CELF2: variants seen among roughly 807,000 people sequenced by gnomAD.
CELF2 encodes CUG triplet repeat RNA-binding protein 2.
In CELF2, 8 loss-of-function variants were observed where a neutral mutation model predicts 62.6. The observed-to-expected ratio is 0.13, with a 90% CI of 0.07 to 0.23. The LOEUF is 0.23. Ranked by LOEUF, CELF2 falls within the 10% of genes least tolerant of loss-of-function variation. The pLI is 1.00. For synonymous variants in CELF2, 258 were observed against 250.0 expected (o/e 1.03, Z -0.30); for missense variants, 333 against 671.0 (o/e 0.50, Z 5.56).
the CELF2 span, among the ~76,000 whole-genome samples, chr10:10,578,138 T>C: frequency 6.6e-6 from 1 of 152,230 alleles, no homozygotes; most frequent in East Asian, 1.9e-4. Flanking sequence ...TTCATGTGTC[T>C]TTTGGCTGCA....
At chr10:11,147,535 G>T (rs2062502274) in intron 1 of CELF2, among the ~76,000 whole-genome samples, 2 of 152,146 alleles carry the variant, frequency 1.3e-5, no homozygotes, top group African/African-American at 4.8e-5. Flanking sequence ...AAATGCATGT[G>T]CAAAGCTTGT....
chr10:10,652,257 G>GA, the CELF2 span, among the ~76,000 whole-genome samples: 2 of 128,920 alleles, frequency 1.6e-5, no homozygotes, highest in Non-Finnish European at 3.3e-5. Context: ...TGGTGTACCT[G>GA]AAAGTGACGG....
chr10:11,233,562 G>A (rs1262898009), intron 3 of CELF2, among the ~76,000 whole-genome samples: 2 of 152,108 alleles, frequency 1.3e-5, no homozygotes, highest in African/African-American at 4.8e-5. Context: ...CCATTCAAAT[G>A]GTCTACAGGA....
chr10:11,216,534 G>A lies in CELF2; in HGVS notation c.272-891G>A, dbSNP rs139263834. ...CCTACCCTCTTTTCCCAAACTGATT[G>A]TGCTGAGAAACTATATTGCTGAACA... is the stretch of plus-strand genomic sequence containing the variant. On this transcript the variant is annotated intron_variant, in intron 2 of 12. Coordinates refer to ENST00000633077, the MANE Select transcript of CELF2 (RefSeq NM_001326342.2). 4.1e-3 allele frequency among the ~76,000 whole-genome samples: 631 copies of A among 152,264 alleles called. 22 individuals carry two copies. The South Asian group carries it at 0.088, about 21-fold the overall frequency.
At chr10:10,956,290 G>A (rs1254185436) in intron 2 of CELF2, among the ~76,000 whole-genome samples, 1 of 152,204 alleles carries the variant, frequency 6.6e-6, no homozygotes, top group Non-Finnish European at 1.5e-5. Context: ...TTCTTCAAGA[G>A]AGTGCCATAA....
rs3832668 is a variant in CELF2 at position 11,325,817 on chromosome 10, CTT to C, written c.1295-11_1295-10del. On this transcript the variant is annotated splice_polypyrimidine_tract_variant and intron_variant, in intron 11 of 12. Coordinates refer to ENST00000633077, the MANE Select transcript of CELF2 (RefSeq NM_001326342.2). ...AGACTCAAGGGATACCTTACTCTGA[CTT>C]TTTTTTTCCTCCTTAGGTCCAGAGG... 6.3e-7 allele frequency: 1 copy of C among 1,590,360 alleles called. No homozygotes were observed. Among genetic ancestry groups the C allele is most frequent in the Admixed American group, 1.8e-5 (1 of 54,594 alleles).
the CELF2 span, among the ~76,000 whole-genome samples, chr10:10,639,079 A>G: frequency 6.6e-6 from 1 of 152,218 alleles, no homozygotes; most frequent in African/African-American, 2.4e-5. Flanking sequence ...AAAACCCAGA[A>G]GAGAGCTTTT....
At chr10:10,624,196 C>A in the CELF2 span, among the ~76,000 whole-genome samples, 1 of 152,226 alleles carries the variant, frequency 6.6e-6, no homozygotes, top group African/African-American at 2.4e-5. Context: ...ATCATCCCCT[C>A]TGCTTTAGTG....
chr10:10,531,923 T>C, the CELF2 span, among the ~76,000 whole-genome samples: 1 of 152,180 alleles, frequency 6.6e-6, no homozygotes, highest in African/African-American at 2.4e-5. Flanking sequence ...GTCCCTCTCA[T>C]GGTATTACAG....
At chr10:10,684,513 C>T in the CELF2 span, among the ~76,000 whole-genome samples, 2 of 152,034 alleles carry the variant, frequency 1.3e-5, no homozygotes, top group Non-Finnish European at 1.5e-5. Context: ...GAGGACAAGG[C>T]GGGTGGATAG....
chr10:11,066,116 C>T (rs1383530770), intron 1 of CELF2, among the ~76,000 whole-genome samples: 1 of 152,166 alleles, frequency 6.6e-6, no homozygotes, highest in African/African-American at 2.4e-5. Flanking sequence ...CCCAGCCACA[C>T]AGGGCCTTGT....
chr10:10,956,935 T>TA (rs777089169), intron 2 of CELF2, among the ~76,000 whole-genome samples: 156 of 141,592 alleles, frequency 1.1e-3, no homozygotes, highest in African/African-American at 2.1e-3. Flanking sequence ...CACCGTCTCT[T>TA]AAAAAAAAAA....
intron 1 of CELF2, among the ~76,000 whole-genome samples, chr10:11,087,516 G>T (rs954323258): frequency 6.6e-6 from 1 of 152,206 alleles, no homozygotes; most frequent in African/African-American, 2.4e-5. Context: ...GTCGACTGAC[G>T]TAGAACATGG....
intron 2 of CELF2, chr10:10,929,530 G>T (rs559753410): frequency 2.0e-5 from 3 of 152,330 alleles, no homozygotes; most frequent in South Asian, 2.1e-4. Context: ...GCAGCCCAGC[G>T]AAGTGATTCA....
At chr10:11,077,856 ATATG>A (rs2141245834) in intron 1 of CELF2, among the ~76,000 whole-genome samples, 1 of 152,288 alleles carries the variant, frequency 6.6e-6, no homozygotes, top group African/African-American at 2.4e-5. Context: ...TAGAAGAAAA[ATATG>A]TAGGACAAAG....
intron 2 of CELF2, among the ~76,000 whole-genome samples, chr10:11,209,167 G>A (rs572670660): frequency 1.3e-5 from 2 of 152,220 alleles, no homozygotes; most frequent in East Asian, 3.9e-4. Flanking sequence ...TCAAACACAG[G>A]GGAGCCACGA....
At chr10:10,690,341 C>T in the CELF2 span, among the ~76,000 whole-genome samples, 1 of 152,204 alleles carries the variant, frequency 6.6e-6, no homozygotes, top group Non-Finnish European at 1.5e-5. Flanking sequence ...GCAAATCAAA[C>T]ATGTTTCCCA....
the CELF2 span, among the ~76,000 whole-genome samples, chr10:10,787,374 T>G: frequency 6.6e-6 from 1 of 152,220 alleles, no homozygotes; most frequent in African/African-American, 2.4e-5. Context: ...TCATTTTTGC[T>G]TTTCATTTAA....
chr10:10,611,081 T>C, the CELF2 span, among the ~76,000 whole-genome samples: 1 of 152,152 alleles, frequency 6.6e-6, no homozygotes, highest in Admixed American at 6.5e-5. Context: ...AAAGGACAGA[T>C]TGGAGAGCAA....
Sources: allele counts gnomAD v4.1 joint callset (sites outside exome capture counted in the v4.1 genomes callset), GRCh38; gene constraint gnomAD v4.1.1; transcripts MANE v1.5; gene names NCBI Gene and HGNC (gene_info 2026-07-23, HGNC 2026-07-21).